Variants in SNX10 observed in about 807,000 individuals in gnomAD.
SNX10 encodes the protein sorting nexin 10, also known as sorting nexin-10.
Under a neutral mutation model 28.5 loss-of-function variants are expected in SNX10, and 25 were observed. That is an observed-to-expected ratio of 0.88 (90% CI 0.64 to 1.22). The LOEUF is 1.22. SNX10 is among the 50% of genes most tolerant of loss of function. The pLI, the probability that SNX10 is intolerant of heterozygous loss-of-function variation, is 0.00. For synonymous variants in SNX10, 62 were observed against 81.4 expected (o/e 0.76, Z 1.28); for missense variants, 223 against 242.6 (o/e 0.92, Z 0.54).
intron 1 of SNX10, among the ~76,000 whole-genome samples, chr7:26,330,413 T>C (rs559413844): frequency 5.3e-5 from 8 of 151,942 alleles, no homozygotes; most frequent in African/African-American, 1.9e-4. Flanking sequence ...GGTCCTGGGA[T>C]AGAGGGGAGC....
intron 1 of SNX10, among the ~76,000 whole-genome samples, chr7:26,308,519 A>G (rs1253460280): frequency 5.9e-5 from 9 of 152,138 alleles, no homozygotes; most frequent in Non-Finnish European, 2.9e-5. Context: ...TAAAAGGCCC[A>G]AGAGGACAGG....
chr7:26,323,767 T>G (rs558640855), intron 1 of SNX10, among the ~76,000 whole-genome samples: 5 of 152,194 alleles, frequency 3.3e-5, no homozygotes, highest in Non-Finnish European at 7.4e-5. Context: ...GCAGTCTGGC[T>G]GATGCATGGT....
intron 1 of SNX10, among the ~76,000 whole-genome samples, chr7:26,303,914 G>A (rs1584091741): frequency 6.6e-6 from 1 of 152,112 alleles, no homozygotes; most frequent in Non-Finnish European, 1.5e-5. Context: ...TCTCTTGAGA[G>A]CTCCAGGTTT....
chr7:26,301,251 G>A (rs1654259253), intron 1 of SNX10, among the ~76,000 whole-genome samples: 1 of 152,060 alleles, frequency 6.6e-6, no homozygotes, highest in African/African-American at 2.4e-5. Flanking sequence ...AGTTAAATGT[G>A]TATATTCTCT....
At position 26,364,516 on chromosome 7, in the gene SNX10, T is replaced by C; in HGVS notation, c.112-19T>C. The C allele has an allele frequency of 6.3e-7, 1 of 1,593,376 alleles. No homozygotes were observed. The highest frequency in any genetic ancestry group is 8.5e-7 in the Non-Finnish European group (1 of 1,170,658). ...TTTTTTCCTCAGGTAAGACTCATTT[T>C]TCTACTTTCTCTGTACAGACTAATA... On this transcript the variant is annotated intron_variant, in intron 3 of 6. Coordinates refer to ENST00000338523, the MANE Select transcript of SNX10 (RefSeq NM_013322.3). This position sits in a 1 kb window ranked among gnomAD's most constrained non-coding sequence, Gnocchi z 4.9.
At chr7:26,317,723 C>T (rs1263860804) in intron 1 of SNX10, among the ~76,000 whole-genome samples, 1 of 143,576 alleles carries the variant, frequency 7.0e-6, no homozygotes, top group African/African-American at 2.6e-5. Context: ...AGTGCAGTGG[C>T]ACGATCTCGG....
intron 1 of SNX10, among the ~76,000 whole-genome samples, chr7:26,328,006 A>C (rs1346017253): frequency 1.3e-5 from 2 of 152,074 alleles, no homozygotes; most frequent in Non-Finnish European, 2.9e-5. Context: ...TGCTGGGATT[A>C]CAGGCGTGAG....
chr7:26,307,324 C>A (rs571806836), intron 1 of SNX10, among the ~76,000 whole-genome samples: 1 of 152,340 alleles, frequency 6.6e-6, no homozygotes, highest in South Asian at 2.1e-4. Context: ...CTCAAAACAG[C>A]CCCCCTTTTC....
chr7:26,321,329 A>T (rs1378308489), intron 1 of SNX10, among the ~76,000 whole-genome samples: 3 of 152,156 alleles, frequency 2.0e-5, no homozygotes, highest in Non-Finnish European at 4.4e-5. Flanking sequence ...TTCCAGATGT[A>T]CTCACAGAGA....
chr7:26,371,473 A>T (rs945709631), intron 5 of SNX10, among the ~76,000 whole-genome samples: 4 of 152,152 alleles, frequency 2.6e-5, no homozygotes, highest in African/African-American at 9.6e-5. Context: ...TTGGCAGTAA[A>T]TTTTTTAAAG....
chr7:26,328,324 A>C (rs1048874205), intron 1 of SNX10, among the ~76,000 whole-genome samples: 1 of 152,200 alleles, frequency 6.6e-6, no homozygotes, highest in African/African-American at 2.4e-5. Context: ...AATGGGCAAC[A>C]TAGAAGATAG....
intron 2 of SNX10, among the ~76,000 whole-genome samples, chr7:26,348,973 TA>T (rs1386526164): frequency 6.6e-6 from 1 of 152,216 alleles, no homozygotes; most frequent in East Asian, 1.9e-4. Flanking sequence ...CCTTTAACTA[TA>T]AAAGATATTT....
Position 26,342,028 on chromosome 7 carries a change from CT to C in SNX10, c.-23-4376del, listed in dbSNP as rs35337348. Among the ~76,000 whole-genome samples the C allele has an allele frequency of 9.6e-3, 1,066 of 111,568 alleles. 8 individuals are homozygous for C. Among genetic ancestry groups the C allele is most frequent in the African/African-American group, 0.026 (782 of 30,168 alleles). The allele number at this position is 111,568 out of a possible 152,430, so 73.2% of individuals were successfully genotyped here. On this transcript the variant is annotated intron_variant, in intron 1 of 6. Coordinates refer to ENST00000338523, the MANE Select transcript of SNX10 (RefSeq NM_013322.3). ...TCTTTCCTTCTTTCCTTTCTTCTTTCTTTTTTTTTTTTTTTTAGATGCAGTC... is the reference window on the plus strand; with the variant it reads ...TCTTTCCTTCTTTCCTTTCTTCTTTCTTTTTTTTTTTTTTTAGATGCAGTC...
At chr7:26,370,528 T>C (rs951998895) in intron 5 of SNX10, 1 of 152,238 alleles carries the variant, frequency 6.6e-6, no homozygotes, top group African/African-American at 2.4e-5. Context: ...GTAAACCTGC[T>C]GAAGCAAAGG....
At chr7:26,370,100 A>G (rs2128027929) in intron 5 of SNX10, among the ~76,000 whole-genome samples, 1 of 152,348 alleles carries the variant, frequency 6.6e-6, no homozygotes, top group South Asian at 2.1e-4. Flanking sequence ...AAACAAAGCC[A>G]CGAGTACAAT....
At chr7:26,306,453 T>C (rs1786597474) in intron 1 of SNX10, among the ~76,000 whole-genome samples, 1 of 149,718 alleles carries the variant, frequency 6.7e-6, no homozygotes. Context: ...GTTTTGTCAC[T>C]CAGGCTGGAG....
intron 1 of SNX10, among the ~76,000 whole-genome samples, chr7:26,307,757 T>C (rs1786655721): frequency 6.6e-6 from 1 of 152,064 alleles, no homozygotes; most frequent in East Asian, 1.9e-4. Flanking sequence ...AGAGCTTCCC[T>C]GCTCCCCATA....
chr7:26,337,613 C>T (rs1256639229), intron 1 of SNX10, among the ~76,000 whole-genome samples: 2 of 152,194 alleles, frequency 1.3e-5, no homozygotes, highest in Non-Finnish European at 2.9e-5. Flanking sequence ...CCTTAAGGTT[C>T]GTCCTCTTTT....
chr7:26,292,207 C>G (rs1322215150), intron 1 of SNX10, 121 bp downstream of exon 1: 1 of 152,282 alleles, frequency 6.6e-6, no homozygotes, highest in Non-Finnish European at 1.5e-5. Flanking sequence ...CCCTTGCGGG[C>G]TGGAAAGAGG....
Sources: gnomAD v4.1 joint callset for allele counts (sites outside exome capture counted in the v4.1 genomes callset) on GRCh38, gnomAD v4.1.1 for gene constraint, Gnocchi (gnomAD v3.1) non-coding constraint, MANE v1.5 for transcripts, NCBI Gene and HGNC (gene_info 2026-07-23, HGNC 2026-07-21) for gene names.